Variants in TMC1 observed in about 807,000 individuals in gnomAD.
TMC1 encodes the protein transmembrane channel-like protein 1.
In TMC1, 84 loss-of-function variants were observed where a neutral mutation model predicts 105.8. The ratio of observed to expected loss-of-function variants is 0.79; its 90% CI spans 0.67 to 0.95. The LOEUF (loss-of-function observed/expected upper bound fraction) is 0.95. Ranked by LOEUF, TMC1 falls within the 40% of genes least tolerant of loss-of-function variation. TMC1 has a pLI of 0.00. For synonymous variants in TMC1, 315 were observed against 311.5 expected (o/e 1.01, Z -0.12); for missense variants, 817 against 914.1 (o/e 0.89, Z 1.37).
chr9:72,758,235 T>A (rs966781995), intron 12 of TMC1, among the ~76,000 whole-genome samples: 1 of 152,220 alleles, frequency 6.6e-6, no homozygotes, highest in Non-Finnish European at 1.5e-5. Context: ...ACTTTGCTTT[T>A]ACATTTTTGT....
intron 2 of TMC1, among the ~76,000 whole-genome samples, chr9:72,593,486 G>A (rs1031056649): frequency 3.3e-5 from 5 of 151,464 alleles, no homozygotes; most frequent in East Asian, 1.9e-4. Context: ...ACAACCTCCC[G>A]GGTTCAAGAA....
At chr9:72,723,728 G>A (rs1440808972) in intron 8 of TMC1, among the ~76,000 whole-genome samples, 1 of 152,122 alleles carries the variant, frequency 6.6e-6, no homozygotes, top group African/African-American at 2.4e-5. Flanking sequence ...TCAATTGTTA[G>A]GGAAGTCAGC....
At chr9:72,791,774 A>G (rs1192904265) in intron 15 of TMC1, 112 bp from the exon 16 acceptor site, 1 of 862,226 alleles carries the variant, frequency 1.2e-6, no homozygotes, top group Non-Finnish European at 1.9e-6. Flanking sequence ...AGTCATTTTT[A>G]GTCTTAAAAA....
chr9:72,584,874 G>A (rs569709723), intron 2 of TMC1, among the ~76,000 whole-genome samples: 11 of 135,802 alleles, frequency 8.1e-5, no homozygotes, highest in Admixed American at 2.4e-4. Context: ...ATCCTCCGCC[G>A]CCTGGGTTCA....
chr9:72,677,381 G>A (rs1161065390), intron 5 of TMC1, among the ~76,000 whole-genome samples: 10 of 152,068 alleles, frequency 6.6e-5, no homozygotes, highest in Non-Finnish European at 1.5e-4. Flanking sequence ...CACCCACATA[G>A]GGGAAGGAGT....
intron 12 of TMC1, among the ~76,000 whole-genome samples, chr9:72,758,723 C>T (rs1308054216): frequency 6.6e-6 from 1 of 152,150 alleles, no homozygotes; most frequent in Non-Finnish European, 1.5e-5. Flanking sequence ...GCTCAAGGAC[C>T]TGTATGTGTT....
intron 10 of TMC1, among the ~76,000 whole-genome samples, chr9:72,751,473 A>T (rs1490566188): frequency 2.0e-5 from 3 of 152,244 alleles, no homozygotes; most frequent in African/African-American, 7.2e-5. Context: ...CTAGCTAGGC[A>T]CTGTAGTTAC....
chr9:72,640,882 C>T (rs555627770), intron 4 of TMC1, among the ~76,000 whole-genome samples: 22 of 152,194 alleles, frequency 1.4e-4, no homozygotes, highest in Admixed American at 5.2e-4. Context: ...CCACCCGCCT[C>T]GGCCTCCCAA....
intron 11 of TMC1, among the ~76,000 whole-genome samples, chr9:72,752,781 G>A (rs758482192): frequency 3.9e-5 from 6 of 152,130 alleles, no homozygotes; most frequent in Non-Finnish European, 7.4e-5. Flanking sequence ...AAATTTGGTG[G>A]TTTTGGGTGA....
intron 17 of TMC1, 104 bp from the exon 18 acceptor site, chr9:72,805,278 G>A: frequency 8.0e-7 from 1 of 1,246,504 alleles, no homozygotes; most frequent in South Asian, 1.4e-5. Context: ...ATTAATTGCA[G>A]TCTTCAAGCC....
At chr9:72,757,529 C>A (rs891040847) in intron 12 of TMC1, among the ~76,000 whole-genome samples, 11 of 152,066 alleles carry the variant, frequency 7.2e-5, no homozygotes, top group Non-Finnish European at 1.5e-5. Flanking sequence ...GGCATATTTC[C>A]GTATACATAA....
rs71495343 is a variant in TMC1 at position 72,836,220 on chromosome 9, CTT to C, written c.*261_*262del. ...CTCTCTCCCCTGCTCCATTTCGTGA[CTT>C]TTTTTTTTTTTTTAACAAATTGAGT... On this transcript the variant is annotated 3_prime_UTR_variant, in exon 24 of 24. Coordinates refer to ENST00000297784, the MANE Select transcript of TMC1 (RefSeq NM_138691.3). The C allele has an allele frequency of 7.5e-3, 3,214 of 429,806 alleles. No homozygotes were observed. Among genetic ancestry groups the C allele is most frequent in the East Asian group, 0.01 (271 of 26,892 alleles). 26.6% of individuals were successfully genotyped at this position (429,806 alleles called of 1,614,324 possible). A position where few individuals can be genotyped will look rare whatever the true frequency, so the allele number is the denominator to read the frequency against.
rs727503488 is a variant in TMC1 at position 72,835,974 on chromosome 9, T to A, written c.*1T>A. ...AGCTGCAGCTGCTGGTCGCCAGTAA[T>A]AAGTATCCTGAGAGCCCAGAAAAGG... On this transcript the variant is annotated 3_prime_UTR_variant, in exon 24 of 24. Coordinates refer to ENST00000297784, the MANE Select transcript of TMC1 (RefSeq NM_138691.3). The A allele has an allele frequency of 2.8e-6, 4 of 1,435,930 alleles. No individual in the cohort carries two copies. The highest frequency in any genetic ancestry group is 3.8e-6 in the Non-Finnish European group (4 of 1,059,992). 88.9% of individuals were successfully genotyped at this position (1,435,930 alleles called of 1,614,324 possible).
rs73647684 is a variant in TMC1, at chr9:72,648,871, G to T, written c.16+207G>T. ...TCTCTCCACCTTCTTCTCTTTTATG[G>T]ATGAATGATTTCACCAACTGGTAAG... On this transcript the variant is annotated intron_variant, in intron 5 of 23. Transcript: ENST00000297784. Among the ~76,000 whole-genome samples, 721 of 152,122 alleles carry T rather than the reference G, an allele frequency of 4.7e-3. 9 individuals carry two copies. The highest frequency in any genetic ancestry group is 0.017 in the African/African-American group (705 of 41,464).
chr9:72,734,008 A>G (rs1827257593), intron 8 of TMC1, among the ~76,000 whole-genome samples: 1 of 152,170 alleles, frequency 6.6e-6, no homozygotes, highest in Non-Finnish European at 1.5e-5. Flanking sequence ...AAGCATTGTG[A>G]TACTGTGACA....
At chr9:72,578,863 A>G (rs987017363) in intron 2 of TMC1, among the ~76,000 whole-genome samples, 12 of 152,170 alleles carry the variant, frequency 7.9e-5, no homozygotes, top group African/African-American at 2.9e-4. Context: ...GGAAAGAAGA[A>G]TAGAATGAAT....
At chr9:72,826,790 A>G in intron 20 of TMC1, 79 bp from the exon 21 acceptor site, 1 of 1,483,450 alleles carries the variant, frequency 6.7e-7, no homozygotes, top group Non-Finnish European at 9.4e-7. Context: ...ATTGAGAAAG[A>G]TTTCCAGTTT....
chr9:72,529,120 A>ATTTTTTTTT, intron 1 of TMC1, among the ~76,000 whole-genome samples: 1 of 146,010 alleles, frequency 6.8e-6, no homozygotes, highest in Non-Finnish European at 1.5e-5. Context: ...TTAATCAGGG[A>ATTTTTTTTT]CTGAAGCATC....
Position 72,677,558 on chromosome 9 carries a change from A to G in TMC1, c.17-11151A>G, listed in dbSNP as rs1248114693. On this transcript the variant is annotated intron_variant, in intron 5 of 23. Coordinates refer to ENST00000297784, the MANE Select transcript of TMC1 (RefSeq NM_138691.3). ...TACTAATCCGTGCATTCTCTCCAAT[A>G]CAGGGCACCCGGCCTGGCAAGGAGT... 2.0e-5 allele frequency among the ~76,000 whole-genome samples: 3 copies of G among 152,286 alleles called. No homozygotes were observed. In the East Asian group the frequency reaches 5.8e-4, roughly 29 times the overall value.
Sources: allele counts gnomAD v4.1 joint callset (sites outside exome capture counted in the v4.1 genomes callset), GRCh38; gene constraint gnomAD v4.1.1; transcripts MANE v1.5; gene names NCBI Gene and HGNC (gene_info 2026-07-23, HGNC 2026-07-21).